Variants in AHCY observed in about 807,000 individuals in gnomAD.
AHCY encodes the protein S-adenosyl-L-homocysteine hydrolase.
A neutral mutation model predicts 45.4 loss-of-function variants in AHCY; 24 were observed. The observed-to-expected ratio is 0.53, with a 90% CI of 0.38 to 0.74. The LOEUF (loss-of-function observed/expected upper bound fraction) is 0.74. Ranked by LOEUF, AHCY falls within the 30% of genes least tolerant of loss-of-function variation. The pLI is 0.00. For synonymous variants in AHCY, 245 were observed against 235.1 expected (o/e 1.04, Z -0.39); for missense variants, 449 against 594.1 (o/e 0.76, Z 2.54).
At chr20:34,292,316 C>T in intron 4 of AHCY, 42 bp downstream of exon 4, 2 of 1,603,622 alleles carry the variant, frequency 1.2e-6, no homozygotes, top group African/African-American at 2.7e-5. Context: ...CAGGCCCCAC[C>T]CAGGCCACCA....
chr20:34,252,063 C>T, the AHCY span, among the ~76,000 whole-genome samples: 2 of 152,214 alleles, frequency 1.3e-5, no homozygotes, highest in Admixed American at 6.5e-5. Context: ...GTCAAGTTTC[C>T]ACTCTGTGCC....
the AHCY span, among the ~76,000 whole-genome samples, chr20:34,252,880 A>G: frequency 1.3e-5 from 2 of 152,208 alleles, no homozygotes; most frequent in Admixed American, 1.3e-4. Flanking sequence ...GACTTTTACC[A>G]GGCATACTGC....
chr20:34,268,886 A>C, the AHCY span: 2 of 1,416,662 alleles, frequency 1.4e-6, no homozygotes, highest in Admixed American at 2.1e-5. Context: ...CCAGCGGGGA[A>C]ACCTCTGGTC....
the AHCY span, chr20:34,262,838 A>G: frequency 2.5e-6 from 4 of 1,614,020 alleles, no homozygotes; most frequent in Non-Finnish European, 2.5e-6. Flanking sequence ...GAAGCGCTGA[A>G]CAAGAAATCC....
At chr20:34,285,752 A>C in intron 8 of AHCY, 118 bp from the exon 9 acceptor site, 1 of 1,075,988 alleles carries the variant, frequency 9.3e-7, no homozygotes, top group East Asian at 2.5e-5. Flanking sequence ...AACTGCTCCA[A>C]AACAACCTCC....
At position 34,291,425 on chromosome 20, in the gene AHCY, G is replaced by A. The variant is rs767884341; in HGVS notation, c.552C>T (p.Val184=). 22 of 1,613,736 alleles carry A rather than the reference G, an allele frequency of 1.4e-5. No homozygotes were observed. Among genetic ancestry groups the A allele is most frequent in the Non-Finnish European group, 1.8e-5 (21 of 1,179,852 alleles). The part of the protein sequence containing the change: ...KVPAINVNDS[V]TKSKFDNLYG... ...TCACTGCCCCTCGGCTCACCTTGGT[G>A]ACGGAGTCATTGACATTGATGGCAG... is the stretch of plus-strand genomic sequence containing the variant. Residue 184 remains valine, a synonymous_variant, in exon 5 of 10, where the codon GTC becomes GTT. Transcript: ENST00000217426.
chr20:34,278,421 C>A (rs1470303310), downstream of AHCY, among the ~76,000 whole-genome samples: 2 of 152,178 alleles, frequency 1.3e-5, no homozygotes, highest in East Asian at 3.8e-4. Context: ...ACACAGGCAG[C>A]GGCTGTGCAG....
chr20:34,289,017 T>C (rs1601652350), intron 8 of AHCY, among the ~76,000 whole-genome samples: 1 of 152,316 alleles, frequency 6.6e-6, no homozygotes, highest in Admixed American at 6.5e-5. Flanking sequence ...TTTAGTTTTG[T>C]TTTTGAGATG....
chr20:34,272,052 A>AC, the AHCY span, among the ~76,000 whole-genome samples: 2 of 151,610 alleles, frequency 1.3e-5, no homozygotes, highest in African/African-American at 4.8e-5. Flanking sequence ...CCTCCAAAAA[A>AC]AAAAAAATAG....
chr20:34,240,043 C>T, the AHCY span, among the ~76,000 whole-genome samples: 8 of 152,080 alleles, frequency 5.3e-5, no homozygotes, highest in African/African-American at 1.2e-4. Context: ...AGGTGGTCTT[C>T]AGTGTGTCTG....
At chr20:34,270,621 T>C in the AHCY span, among the ~76,000 whole-genome samples, 1 of 152,240 alleles carries the variant, frequency 6.6e-6, no homozygotes, top group African/African-American at 2.4e-5. Context: ...GACAACCACA[T>C]GGAAGACCAA....
the AHCY span, among the ~76,000 whole-genome samples, chr20:34,260,913 G>A: frequency 0.24 from 35,818 of 152,132 alleles, 7,132 homozygotes; most frequent in African/African-American, 0.54. Flanking sequence ...GTCAGGGTTG[G>A]GAATGAAGGC....
chr20:34,285,586 CG>C lies in AHCY; in HGVS notation c.1020del (p.Glu341ArgfsTer17), dbSNP rs2036150252. 6.2e-7 allele frequency: 1 copy of C among 1,613,920 alleles called. No individual in the cohort carries two copies. Among genetic ancestry groups the C allele is most frequent in the South Asian group, 1.1e-5 (1 of 91,070 alleles). ...LKNGRRIILL[A>X]EGRLVNLGCA... is the part of the protein sequence containing the mutation. ...CAACCCAGGTTGACCAGCCGACCCT[CG>C]GCCAGCAGGATGATGCGGCGCCCAT... On this transcript the variant is annotated frameshift_variant, in exon 9 of 10. Coordinates refer to ENST00000217426, the MANE Select transcript of AHCY (RefSeq NM_000687.4). LOFTEE classifies it high-confidence loss of function.
chr20:34,269,774 G>C, the AHCY span, among the ~76,000 whole-genome samples: 1 of 151,598 alleles, frequency 6.6e-6, no homozygotes, highest in Admixed American at 6.6e-5. Context: ...GAGAAACCCC[G>C]TCTCTACAAA....
At chr20:34,232,956 C>T in the AHCY span, among the ~76,000 whole-genome samples, 1 of 152,156 alleles carries the variant, frequency 6.6e-6, no homozygotes, top group Non-Finnish European at 1.5e-5. Context: ...TAACTGTTCC[C>T]TACCTCTCCA....
chr20:34,234,525 C>T, the AHCY span, among the ~76,000 whole-genome samples: 1 of 151,478 alleles, frequency 6.6e-6, no homozygotes, highest in African/African-American at 2.4e-5. Flanking sequence ...TCCTTCCTTC[C>T]TTTCTTTCCT....
At chr20:34,292,590 C>A in intron 3 of AHCY, 83 bp from the exon 4 acceptor site, 1 of 1,595,312 alleles carries the variant, frequency 6.3e-7, no homozygotes, top group Non-Finnish European at 8.6e-7. Context: ...GCCAAAACTA[C>A]CTCCTTCCCA....
Position 34,295,577 on chromosome 20 carries a change from C to T in AHCY, c.37G>A (p.Gly13Ser), listed in dbSNP as rs149092974. Residue 13 changes from glycine (G) to serine (S), a missense_variant, in exon 2 of 10, where the codon GGC becomes AGC. Physicochemically the swap from Gly to Ser is moderately conservative, Grantham distance 56. Coordinates refer to ENST00000217426, the MANE Select transcript of AHCY (RefSeq NM_000687.4). ...GCCTTGCGTCCCCAGGCAGCCAGGC[C>T]GATGTCGGCTACGGGAGGAAACAGG... Reference protein sequence around the residue: ...DKLPYKVADIGLAAWGRKALD... With the variant: ...DKLPYKVADISLAAWGRKALD... 6 of 1,614,090 alleles carry T rather than the reference C, an allele frequency of 3.7e-6. No individual in the cohort carries two copies. Among genetic ancestry groups the T allele is most frequent in the South Asian group, 2.2e-5 (2 of 91,074 alleles).
At chr20:34,288,768 C>G (rs1291295431) in intron 8 of AHCY, among the ~76,000 whole-genome samples, 1 of 152,160 alleles carries the variant, frequency 6.6e-6, no homozygotes, top group Non-Finnish European at 1.5e-5. Context: ...GGTTGCTTAA[C>G]TTTAAAGCTC....
Sources: allele counts gnomAD v4.1 joint callset (sites outside exome capture counted in the v4.1 genomes callset), GRCh38; gene constraint gnomAD v4.1.1; transcripts MANE v1.5; gene names NCBI Gene and HGNC (gene_info 2026-07-23, HGNC 2026-07-21).